REDIC1: variants seen among roughly 807,000 people sequenced by gnomAD.
REDIC1 encodes HEI10 Interacting Protein 1.
chr12:39,906,127 CA>C, the REDIC1 span, among the ~76,000 whole-genome samples: 1 of 7,390 alleles, frequency 1.4e-4, no homozygotes, highest in Non-Finnish European at 8.8e-3. Flanking sequence ...CTTGCAGATA[CA>C]GAACTTTGAA....
the REDIC1 span, among the ~76,000 whole-genome samples, chr12:39,809,084 T>G: frequency 5.8e-4 from 88 of 152,158 alleles, no homozygotes; most frequent in African/African-American, 2.0e-3. Context: ...TTTTTTGTGT[T>G]TAGGGTGTAA....
At chr12:39,658,894 T>C in the REDIC1 span, among the ~76,000 whole-genome samples, 1 of 152,244 alleles carries the variant, frequency 6.6e-6, no homozygotes, top group South Asian at 2.1e-4. Context: ...TATTTATGTG[T>C]ATGTTATAAA....
chr12:39,724,051 G>T, the REDIC1 span, among the ~76,000 whole-genome samples: 3 of 152,022 alleles, frequency 2.0e-5, no homozygotes, highest in African/African-American at 2.4e-5. Context: ...CTCATTTCCC[G>T]AGGGGTGTCT....
the REDIC1 span, among the ~76,000 whole-genome samples, chr12:39,856,196 ACCTT>A: frequency 6.6e-6 from 1 of 151,978 alleles, no homozygotes; most frequent in African/African-American, 2.4e-5. Flanking sequence ...AGCACCATCT[ACCTT>A]CTCTTATCAA....
At chr12:39,815,485 A>G in the REDIC1 span, among the ~76,000 whole-genome samples, 72 of 152,300 alleles carry the variant, frequency 4.7e-4, 1 homozygote, top group African/African-American at 1.6e-3. Context: ...ACCTATTACT[A>G]TCCTTTCACT....
chr12:39,630,062 G>A, the REDIC1 span, among the ~76,000 whole-genome samples: 9 of 151,944 alleles, frequency 5.9e-5, no homozygotes, highest in Admixed American at 1.3e-4. Context: ...AAGGCACCAC[G>A]GAGACCCTGT....
chr12:39,785,787 C>A, the REDIC1 span, among the ~76,000 whole-genome samples: 1 of 152,118 alleles, frequency 6.6e-6, no homozygotes, highest in African/African-American at 2.4e-5. Context: ...GGATGTGAGA[C>A]CTGGAATCAA....
the REDIC1 span, among the ~76,000 whole-genome samples, chr12:39,664,323 G>C: frequency 6.6e-6 from 1 of 150,814 alleles, no homozygotes; most frequent in Non-Finnish European, 1.5e-5. Context: ...AGAACATGTG[G>C]TGTTTGGTTT....
At chr12:39,671,594 G>A in the REDIC1 span, among the ~76,000 whole-genome samples, 1 of 152,174 alleles carries the variant, frequency 6.6e-6, no homozygotes, top group African/African-American at 2.4e-5. Context: ...TGTATGTGGT[G>A]TGGGTGATGA....
At chr12:39,728,674 G>A in the REDIC1 span, among the ~76,000 whole-genome samples, 1 of 151,838 alleles carries the variant, frequency 6.6e-6, no homozygotes, top group Non-Finnish European at 1.5e-5. Context: ...ATGAGTTAGT[G>A]AAGAGTCCCT....
the REDIC1 span, among the ~76,000 whole-genome samples, chr12:39,812,834 CCTTT>C: frequency 7.0e-6 from 1 of 143,464 alleles, no homozygotes; most frequent in South Asian, 2.2e-4. Context: ...TGTAGTATTA[CCTTT>C]TTTTTTTTTT....
At chr12:39,807,141 T>C in the REDIC1 span, among the ~76,000 whole-genome samples, 3 of 148,672 alleles carry the variant, frequency 2.0e-5, no homozygotes, top group African/African-American at 5.2e-5. Context: ...CTGAAAGTAA[T>C]TGCAAAAACC....
the REDIC1 span, among the ~76,000 whole-genome samples, chr12:39,651,531 ATTCC>A: frequency 1.3e-5 from 2 of 152,138 alleles, no homozygotes; most frequent in Non-Finnish European, 2.9e-5. Flanking sequence ...GTTGTACTTG[ATTCC>A]TTCCTTTCCT....
the REDIC1 span, among the ~76,000 whole-genome samples, chr12:39,712,989 ATATACGTGTATATGTATATATACATGTG>A: frequency 7.8e-6 from 1 of 128,236 alleles, no homozygotes; most frequent in African/African-American, 3.0e-5. Flanking sequence ...ATACATGTGT[ATATACGTGTATATGTATATATACATGTG>A]TATATACGTG....
At chr12:39,726,961 T>C in the REDIC1 span, among the ~76,000 whole-genome samples, 1 of 152,262 alleles carries the variant, frequency 6.6e-6, no homozygotes, top group African/African-American at 2.4e-5. Flanking sequence ...ATAAATGTCT[T>C]CTTTTGAGAA....
chr12:39,627,634 ATAT>A, the REDIC1 span, among the ~76,000 whole-genome samples: 3 of 152,104 alleles, frequency 2.0e-5, no homozygotes, highest in African/African-American at 7.2e-5. Flanking sequence ...GCATCTGGAG[ATAT>A]TAGGTACCAG....
At chr12:39,747,891 AC>A in the REDIC1 span, among the ~76,000 whole-genome samples, 2 of 152,200 alleles carry the variant, frequency 1.3e-5, no homozygotes, top group African/African-American at 2.4e-5. Flanking sequence ...AGATTTTGTC[AC>A]CACCAGGCCT....
At chr12:39,760,013 G>A in the REDIC1 span, 5 of 1,598,408 alleles carry the variant, frequency 3.1e-6, no homozygotes, top group Non-Finnish European at 4.3e-6. Flanking sequence ...CTAAATATAT[G>A]AGCAGCTGAA....
the REDIC1 span, among the ~76,000 whole-genome samples, chr12:39,695,568 C>G: frequency 6.6e-6 from 1 of 151,962 alleles, no homozygotes; most frequent in Non-Finnish European, 1.5e-5. Context: ...AATGTAAGCT[C>G]AGCCCCAGTA....
Sources: gnomAD v4.1 joint callset for allele counts (sites outside exome capture counted in the v4.1 genomes callset) on GRCh38, gnomAD v4.1.1 for gene constraint, MANE v1.5 for transcripts, NCBI Gene and HGNC (gene_info 2026-07-23, HGNC 2026-07-21) for gene names.